The following ETV3 variants were observed in gnomAD, a reference collection of about 807,000 sequenced individuals.
The protein encoded by ETV3 is ETS variant transcription factor 3, also known as ETS translocation variant 3.
Under a neutral mutation model 33.0 loss-of-function variants are expected in ETV3, and 8 were observed. The ratio of observed to expected loss-of-function variants is 0.24; its 90% confidence interval spans 0.14 to 0.44. The LOEUF is 0.44. ETV3 is among the 20% of genes least tolerant of loss of function. The pLI, the probability that ETV3 is intolerant of heterozygous loss-of-function variation, is 1.00. For missense variants in ETV3, 473 were observed against 652.3 expected (o/e 0.73, Z 2.99); for synonymous variants, 222 against 238.9 (o/e 0.93, Z 0.65).
Position 157,125,725 on chromosome 1 carries a change from C to T in ETV3, c.655G>A (p.Gly219Arg), listed in dbSNP as rs752110496. ...VSSRNAIGGG[G>R]IGHQKRKPDI... ...GGCTTGCGTTTCTGATGGCCAATCCCTCCTCCACCAATGGCATTCCTGGAG... is the reference window on the plus strand; with the variant it reads ...GGCTTGCGTTTCTGATGGCCAATCCTTCCTCCACCAATGGCATTCCTGGAG... The change falls in exon 5 of 5, where the codon GGG becomes AGG. Residue 219 changes from glycine (G) to arginine (R), a missense_variant. Gly to Arg is a moderately radical substitution (Grantham distance 125, BLOSUM62 -2). Around this residue, in one of 3 missense-constraint regions of ETV3, gnomAD observed 410 missense variants for 520.2 expected, o/e 0.79. Coordinates refer to ENST00000368192, the MANE Select transcript of ETV3 (RefSeq NM_001145312.3). The surrounding 1 kb of genome is among the most constrained non-coding windows in gnomAD (Gnocchi z 4.0). 6.4e-7 allele frequency: 1 copy of T among 1,551,668 alleles called. No individual in the cohort carries two copies. The highest frequency in any genetic ancestry group is 8.7e-7 in the Non-Finnish European group (1 of 1,147,000).
At chr1:157,133,118 A>G in intron 4 of ETV3, 1 of 152,626 alleles carries the variant, frequency 6.6e-6, no homozygotes, top group South Asian at 2.1e-4. Flanking sequence ...AAGGTCTGAA[A>G]ATAGGTCTGT....
chr1:157,126,595 A>G (rs569798048), intron 4 of ETV3, among the ~76,000 whole-genome samples: 1 of 152,380 alleles, frequency 6.6e-6, no homozygotes, highest in East Asian at 1.9e-4. Context: ...CACTGCCTAG[A>G]CTACCCACAT....
At chr1:157,131,338 C>G (rs1674962894) in intron 4 of ETV3, among the ~76,000 whole-genome samples, 1 of 152,130 alleles carries the variant, frequency 6.6e-6, no homozygotes. Flanking sequence ...ATACACAGAC[C>G]AGAATACCCC....
intron 4 of ETV3, among the ~76,000 whole-genome samples, chr1:157,132,577 G>A (rs1674992863): frequency 6.6e-6 from 1 of 152,118 alleles, no homozygotes; most frequent in Non-Finnish European, 1.5e-5. Context: ...AAAATTGTTG[G>A]TATATACATC....
At position 157,121,430 on chromosome 1, in the gene ETV3, A is replaced by G. The variant is rs1291981308; in HGVS notation, c.*3411T>C. On this transcript the variant is annotated 3_prime_UTR_variant, in exon 5 of 5. Transcript: ENST00000368192. ...TTAAGATTACTTACATTTTATGTAC[A>G]TATACACACTTTACTCTGCTCAAGC... 1 of 152,180 alleles carries G rather than the reference A, an allele frequency of 6.6e-6. No homozygotes were observed. Among genetic ancestry groups the G allele is most frequent in the Admixed American group, 6.5e-5 (1 of 15,272 alleles). The allele number at this position is 152,180 out of a possible 1,614,324, so 9.4% of individuals were successfully genotyped here.
chr1:157,124,769 C>CCCAAAACT lies in ETV3; in HGVS notation c.*71_*72insAGTTTTGG. 1.4e-6 allele frequency: 1 copy of CCCAAAACT among 694,886 alleles called. No individual in the cohort carries two copies. The allele number at this position is 694,886 out of a possible 1,614,324, so 43.0% of individuals were successfully genotyped here. ...CCAGTTTAACTCCCTCCCCCCCACC[C>CCCAAAACT]TGAAATCTTGCTACATAAATACATG... On this transcript the variant is annotated 3_prime_UTR_variant, in exon 5 of 5. Transcript: ENST00000368192.
At chr1:157,128,917 G>C (rs1674906953) in intron 4 of ETV3, among the ~76,000 whole-genome samples, 1 of 152,184 alleles carries the variant, frequency 6.6e-6, no homozygotes, top group African/African-American at 2.4e-5. Context: ...CTAAATATAT[G>C]ACTGGACTTC....
At chr1:157,130,994 TA>T (rs1345675560) in intron 4 of ETV3, among the ~76,000 whole-genome samples, 1 of 152,212 alleles carries the variant, frequency 6.6e-6, no homozygotes, top group East Asian at 1.9e-4. Flanking sequence ...GTCTGCAACT[TA>T]ATCTCAAAAG....
chr1:157,124,914 A>T lies in ETV3; in HGVS notation c.1466T>A (p.Leu489Gln), dbSNP rs1355635834. 4 of 1,551,578 alleles carry T rather than the reference A, an allele frequency of 2.6e-6. No homozygotes were observed. Among genetic ancestry groups the T allele is most frequent in the Non-Finnish European group, 3.5e-6 (4 of 1,146,996 alleles). Residue 489 changes from leucine (L) to glutamine (Q), a missense_variant, in exon 5 of 5, where the codon CTG becomes CAG. Transcript: ENST00000368192. Reference protein sequence around the residue: ...RWNDDPEARELSKSGKFLWNG... With the variant: ...RWNDDPEAREQSKSGKFLWNG... ...CCAGAGAAACTTGCCACTCTTGCTCAGCTCTCGGGCTTCAGGGTCATCATT... is the reference window on the plus strand; with the variant it reads ...CCAGAGAAACTTGCCACTCTTGCTCTGCTCTCGGGCTTCAGGGTCATCATT...
Position 157,121,831 on chromosome 1 carries a change from C to G in ETV3, c.*3010G>C, listed in dbSNP as rs887750493. ...CAGAGGACTAGGGTGCAATCATTCC[C>G]TGTGTTAGTGAGTTGGGTTTAATGC... On this transcript the variant is annotated 3_prime_UTR_variant, in exon 5 of 5. Transcript: ENST00000368192. The G allele has an allele frequency of 6.6e-6, 1 of 152,096 alleles. No individual in the cohort carries two copies. Among genetic ancestry groups the G allele is most frequent in the Non-Finnish European group, 1.5e-5 (1 of 68,030 alleles). 9.4% of individuals were successfully genotyped at this position (152,096 alleles called of 1,614,324 possible).
rs1394561218 is a variant in ETV3 at position 157,133,994 on chromosome 1, G to A, written c.400+118C>T. 2.7e-6 allele frequency: 4 copies of A among 1,488,998 alleles called. No homozygotes were observed. In the South Asian group the frequency reaches 4.2e-5, roughly 16 times the overall value. The allele number at this position is 1,488,998 out of a possible 1,614,324, so 92.2% of individuals were successfully genotyped here. A position where few individuals can be genotyped will look rare whatever the true frequency, so the allele number is the denominator to read the frequency against. ...GTAAGAACATTGAGGCAATCCAAAG[G>A]ATCACATTATTTTAGTGTTTCTAAA... On this transcript the variant is annotated intron_variant, in intron 4 of 4. Coordinates refer to ENST00000368192, the MANE Select transcript of ETV3 (RefSeq NM_001145312.3).
chr1:157,133,700 G>C lies in ETV3; in HGVS notation c.400+412C>G, dbSNP rs981854737. The stretch of plus-strand genomic sequence containing the variant: ...GGTTTTGATGATATTCACTTGATAA[G>C]GGAGAGCTTGGTAGTTTCACAGAAA... On this transcript the variant is annotated intron_variant, in intron 4 of 4. Transcript: ENST00000368192. 4 of 997,152 alleles carry C rather than the reference G, an allele frequency of 4.0e-6. No individual in the cohort carries two copies. The African/African-American group carries it at 7.0e-5, about 17-fold the overall frequency. 61.8% of individuals were successfully genotyped at this position (997,152 alleles called of 1,614,324 possible). A position where few individuals can be genotyped will look rare whatever the true frequency, so the allele number is the denominator to read the frequency against.
rs966343337 is a variant in ETV3, at chr1:157,121,879, G to A, written c.*2962C>T. ...TGCAGCTTCAAAATTAGGGTAAAGG[G>A]ACTTGGTGAAATGTTTACATTAAAT... On this transcript the variant is annotated 3_prime_UTR_variant, in exon 5 of 5. Coordinates refer to ENST00000368192, the MANE Select transcript of ETV3 (RefSeq NM_001145312.3). 6.6e-6 allele frequency: 1 copy of A among 152,092 alleles called. No homozygotes were observed. Among genetic ancestry groups the A allele is most frequent in the Non-Finnish European group, 1.5e-5 (1 of 68,012 alleles). The allele number at this position is 152,092 out of a possible 1,614,324, so 9.4% of individuals were successfully genotyped here. A position where few individuals can be genotyped will look rare whatever the true frequency, so the allele number is the denominator to read the frequency against.
intron 4 of ETV3, among the ~76,000 whole-genome samples, chr1:157,131,284 A>C (rs1464491405): frequency 1.3e-5 from 2 of 152,230 alleles, no homozygotes; most frequent in Non-Finnish European, 2.9e-5. Flanking sequence ...AAATATAAGA[A>C]AATATTTTAA....
In ETV3 at chr1:157,125,553, TAGGAGAAGATGGTGGGAGTCA is replaced by T; in HGVS notation, c.806_826del (p.Leu269_Tyr276delinsHis). 1 of 1,551,920 alleles carries T rather than the reference TAGGAGAAGATGGTGGGAGTCA, an allele frequency of 6.4e-7. No individual in the cohort carries two copies. The highest frequency in any genetic ancestry group is 8.7e-7 in the Non-Finnish European group (1 of 1,147,032). On this transcript the variant is annotated inframe_deletion, in exon 5 of 5. Transcript: ENST00000368192. The surrounding 1 kb of genome is among the most constrained non-coding windows in gnomAD (Gnocchi z 4.0). ...AGGGCTCAGGCCTGGTGATGGGCTA[TAGGAGAAGATGGTGGGAGTCA>T]GGGAGAGGGCTGGTGAAATGGGGAC...
At chr1:157,135,811 C>G in intron 2 of ETV3, 103 bp from the exon 3 acceptor site, 2 of 1,194,068 alleles carry the variant, frequency 1.7e-6, no homozygotes, top group Non-Finnish European at 2.4e-6. Context: ...GAGTGCTTTG[C>G]AAACATGCTG....
At chr1:157,129,020 T>C (rs946101162) in intron 4 of ETV3, among the ~76,000 whole-genome samples, 11 of 152,256 alleles carry the variant, frequency 7.2e-5, no homozygotes, top group African/African-American at 2.2e-4. Context: ...TAACTAGTTA[T>C]GTGAATATAT....
chr1:157,129,991 G>A (rs968180715), intron 4 of ETV3, among the ~76,000 whole-genome samples: 15 of 151,820 alleles, frequency 9.9e-5, no homozygotes, highest in African/African-American at 3.6e-4. Context: ...CTACAGGTGC[G>A]CACCACCATG....
rs776514941 is a variant in ETV3 at position 157,125,755 on chromosome 1, C to T, written c.625G>A (p.Val209Met). ...CCACCAATGGCATTCCTGGAGGACA[C>T]GGGATCCACACCCCGGCGCCAGTCA... is the stretch of plus-strand genomic sequence containing the variant. ...AADWRRGVDP[V>M]SSRNAIGGGG... Residue 209 changes from valine (V) to methionine (M), a missense_variant, in exon 5 of 5, where the codon GTG (valine) becomes ATG (methionine). Around this residue, in one of 3 missense-constraint regions of ETV3, gnomAD observed 410 missense variants for 520.2 expected, o/e 0.79. Coordinates refer to ENST00000368192, the MANE Select transcript of ETV3 (RefSeq NM_001145312.3). The surrounding 1 kb of genome is among the most constrained non-coding windows in gnomAD (Gnocchi z 4.0). The T allele has an allele frequency of 1.2e-5, 19 of 1,551,474 alleles. No homozygotes were observed. Among genetic ancestry groups the T allele is most frequent in the Admixed American group, 5.9e-5 (3 of 50,988 alleles).
Sources: allele counts gnomAD v4.1 joint callset (sites outside exome capture counted in the v4.1 genomes callset), GRCh38; gene constraint gnomAD v4.1.1; regional missense constraint gnomAD v4.1.1; non-coding constraint Gnocchi (gnomAD v3.1); transcripts MANE v1.5; gene names NCBI Gene and HGNC (gene_info 2026-07-23, HGNC 2026-07-21).